Variants in KNG1 observed in about 807,000 individuals in gnomAD.
The protein encoded by KNG1 is kininogen-1.
KNG1 carries 23 observed loss-of-function variants against 47.8 expected under a neutral mutation model. The ratio of observed to expected loss-of-function variants is 0.48; its 90% CI spans 0.35 to 0.68. The LOEUF is 0.68. Ranked by LOEUF, KNG1 falls within the 30% of genes least tolerant of loss-of-function variation. The pLI is 0.01. For missense variants in KNG1, 762 were observed against 790.2 expected, an observed-to-expected ratio of 0.96 and a Z score of 0.43; for synonymous variants, 277 against 277.0, an observed-to-expected ratio of 1.00 and a Z score of 0.00.
chr3:186,732,710 A>T, intron 7 of KNG1, 36 bp downstream of exon 7: 1 of 1,553,416 alleles, frequency 6.4e-7, no homozygotes, highest in Non-Finnish European at 8.9e-7. Flanking sequence ...GTAACACTAT[A>T]GTCTATGTGC....
chr3:186,741,295 T>C (rs1720804561), intron 9 of KNG1, among the ~76,000 whole-genome samples: 1 of 152,162 alleles, frequency 6.6e-6, no homozygotes, highest in African/African-American at 2.4e-5. Flanking sequence ...TGCCTGGCTA[T>C]TTTATGGTAT....
rs774986365 is a variant in KNG1, at chr3:186,731,578, G to A, written c.706G>A (p.Asp236Asn). ...TGECTDNAYI[D>N]IQLRIASFSQ... Reference sequence around the variant, plus strand: ...TGAATGTACAGATAATGCATACATCGATATTCAGCTACGAATTGCTTCCTT... The same window carrying A: ...TGAATGTACAGATAATGCATACATCAATATTCAGCTACGAATTGCTTCCTT... Residue 236 changes from aspartate (D) to asparagine (N), a missense_variant, in exon 6 of 10, where the codon GAT (aspartate) becomes AAT (asparagine). Physicochemically the swap from Asp to Asn is conservative, Grantham distance 23. Transcript: ENST00000644859. The A allele has an allele frequency of 7.4e-6, 12 of 1,611,760 alleles. No individual in the cohort carries two copies. The Admixed American group carries it at 1.0e-4, about 13-fold the overall frequency.
rs188547912 is a variant in KNG1 at position 186,726,709 on chromosome 3, G to A, written c.565-528G>A. On this transcript the variant is annotated intron_variant, in intron 4 of 9. Transcript: ENST00000644859. ...TAAACCTTACAACTTGCTTTCATGC[G>A]AGCATGCTTTACTCAATTATGTCCG... 2.7e-4 allele frequency among the ~76,000 whole-genome samples: 41 copies of A among 152,182 alleles called. No homozygotes were observed. In the East Asian group the frequency reaches 5.0e-3, roughly 19 times the overall value.
intron 9 of KNG1, among the ~76,000 whole-genome samples, chr3:186,741,010 T>C (rs926010851): frequency 1.3e-5 from 2 of 151,716 alleles, no homozygotes; most frequent in Admixed American, 6.6e-5. Flanking sequence ...TTGTTTTTTG[T>C]TTTTTTTGAC....
At position 186,742,162 on chromosome 3, in the gene KNG1, C is replaced by T. The variant is rs1200818377; in HGVS notation, c.1766C>T (p.Pro589Leu). The change falls in exon 10 of 10, where the codon CCT becomes CTT. Residue 589 changes from proline (P) to leucine (L), a missense_variant. By Grantham distance (98) the Pro-to-Leu change is moderately conservative. Coordinates refer to ENST00000644859, the MANE Select transcript of KNG1 (RefSeq NM_001102416.3). ...ATACAGAGTGATGACGATTGGATCC[C>T]TGATATCCAGATAGACCCAAATGGC... The part of the protein sequence containing the change: ...APIQSDDDWI[P>L]DIQIDPNGLS... 6.2e-7 allele frequency: 1 copy of T among 1,614,162 alleles called. No individual in the cohort carries two copies. The highest frequency in any genetic ancestry group is 8.5e-7 in the Non-Finnish European group (1 of 1,180,024).
At chr3:186,725,923 A>T (rs1332347980) in intron 4 of KNG1, among the ~76,000 whole-genome samples, 1 of 150,608 alleles carries the variant, frequency 6.6e-6, no homozygotes, top group African/African-American at 2.4e-5. Context: ...CATCAGAAAA[A>T]AAAAAGTATA....
At position 186,742,449 on chromosome 3, in the gene KNG1, G is replaced by A. The variant is rs959608092; in HGVS notation, c.*118G>A. ...CCAAAAACCATGCAGCTTCGGAACA[G>A]TCTAAAGAGAAGTGGTGAGACTCCC... On this transcript the variant is annotated 3_prime_UTR_variant, in exon 10 of 10. Coordinates refer to ENST00000644859, the MANE Select transcript of KNG1 (RefSeq NM_001102416.3). The A allele has an allele frequency of 1.7e-5, 26 of 1,526,116 alleles. No individual in the cohort carries two copies. The African/African-American group carries it at 2.8e-4, about 16-fold the overall frequency. The allele number at this position is 1,526,116 out of a possible 1,614,324, so 94.5% of individuals were successfully genotyped here.
chr3:186,740,945 T>C (rs1464976775), intron 9 of KNG1, among the ~76,000 whole-genome samples: 1 of 151,926 alleles, frequency 6.6e-6, no homozygotes, highest in Non-Finnish European at 1.5e-5. Flanking sequence ...TTTTACAGTT[T>C]TTTTTGTTGT....
Position 186,741,687 on chromosome 3 carries a change from T to G in KNG1, c.1291T>G (p.Trp431Gly). Residue 431 changes from tryptophan to glycine, a missense_variant, in exon 10 of 10, where the codon TGG becomes GGG. Physicochemically the swap from Trp to Gly is radical, Grantham distance 184. Transcript: ENST00000644859. The part of the protein sequence containing the change: ...KEQGHTRRHD[W>G]GHEKQRKHNL... ...ACAAGGGCATACTCGTAGACATGAC[T>G]GGGGCCATGAAAAACAAAGAAAACA... is the stretch of plus-strand genomic sequence containing the variant. 2 of 1,614,184 alleles carry G rather than the reference T, an allele frequency of 1.2e-6. No individual in the cohort carries two copies. Among genetic ancestry groups the G allele is most frequent in the Non-Finnish European group, 1.7e-6 (2 of 1,180,030 alleles).
intron 6 of KNG1, 125 bp from the exon 7 acceptor site, chr3:186,732,377 T>C: frequency 3.6e-6 from 3 of 832,544 alleles, no homozygotes; most frequent in Non-Finnish European, 4.1e-6. Context: ...CTTCCCCCAC[T>C]CACTACTGGG....
intron 1 of KNG1, chr3:186,718,683 C>G (rs1720099003): frequency 6.6e-6 from 1 of 151,898 alleles, no homozygotes. Flanking sequence ...GTCTCTGGCC[C>G]TAGGCTAAAA....
intron 3 of KNG1, among the ~76,000 whole-genome samples, chr3:186,723,899 C>T (rs1281812139): frequency 6.6e-6 from 1 of 152,154 alleles, no homozygotes; most frequent in Non-Finnish European, 1.5e-5. Flanking sequence ...GGTGATCCAC[C>T]CGCCTCGGCC....
intron 4 of KNG1, among the ~76,000 whole-genome samples, 185 bp downstream of exon 4, chr3:186,725,445 G>A (rs1720332519): frequency 6.6e-6 from 1 of 151,620 alleles, no homozygotes; most frequent in Non-Finnish European, 1.5e-5. Flanking sequence ...TGTCGAATCA[G>A]ACCCCCTTCC....
chr3:186,724,375 G>T (rs1560062744), intron 3 of KNG1, among the ~76,000 whole-genome samples: 1 of 152,156 alleles, frequency 6.6e-6, no homozygotes, highest in Non-Finnish European at 1.5e-5. Context: ...TGACCAGTAG[G>T]TTAGGGCTAT....
Position 186,742,633 on chromosome 3 carries a change from A to G in KNG1, c.*302A>G. The G allele has an allele frequency of 1.7e-6, 2 of 1,210,842 alleles. No individual in the cohort carries two copies. Among genetic ancestry groups the G allele is most frequent in the Non-Finnish European group, 2.1e-6 (2 of 968,338 alleles). 75.0% of individuals were successfully genotyped at this position (1,210,842 alleles called of 1,614,324 possible). On this transcript the variant is annotated 3_prime_UTR_variant, in exon 10 of 10. Transcript: ENST00000644859. Reference sequence around the variant, plus strand: ...GCAATTGGCTTCTCTGATAACAAATATGTACCTTACAACATATGTCATGAA... The same window carrying G: ...GCAATTGGCTTCTCTGATAACAAATGTGTACCTTACAACATATGTCATGAA...
intron 2 of KNG1, among the ~76,000 whole-genome samples, chr3:186,720,859 G>A (rs5029985): frequency 0.42 from 60,696 of 143,282 alleles, 13,115 homozygotes; most frequent in South Asian, 0.61. Flanking sequence ...GCGCGATCTC[G>A]GCTCACTGCA....
At chr3:186,735,697 G>A (rs766910574) in intron 7 of KNG1, among the ~76,000 whole-genome samples, 8 of 152,158 alleles carry the variant, frequency 5.3e-5, no homozygotes, top group South Asian at 2.1e-4. Flanking sequence ...ACTACTTTGG[G>A]AAGCTGAAGT....
rs140672411 is a variant in KNG1, at chr3:186,737,336, T to C, written c.931-1763T>C. 2.5e-3 allele frequency among the ~76,000 whole-genome samples: 375 copies of C among 152,302 alleles called. 6 individuals carry two copies. The highest frequency in any genetic ancestry group is 8.8e-3 in the African/African-American group (367 of 41,574). ...TTTTTAGTGTTGGGCTTTATATTCA[T>C]ACAGACATTGATTCTATATCATAGT... On this transcript the variant is annotated intron_variant, in intron 7 of 9. Transcript: ENST00000644859.
rs1167537831 is a variant in KNG1, at chr3:186,720,784, C to CTTTTTTTTTTTTTTTTT, written c.306+576_306+592dup. ...CACACCATAGCTGGTTGTTGTTTTG[C>CTTTTTTTTTTTTTTTTT]TTTTTTTTTTTTTTTTTTTTTTTGA... On this transcript the variant is annotated intron_variant, in intron 2 of 9. Transcript: ENST00000644859. Among the ~76,000 whole-genome samples, 2 of 89,778 alleles carry CTTTTTTTTTTTTTTTTT rather than the reference C, an allele frequency of 2.2e-5. 1 individual carries two copies. Among genetic ancestry groups the CTTTTTTTTTTTTTTTTT allele is most frequent in the Non-Finnish European group, 4.1e-5 (2 of 48,298 alleles). 58.9% of individuals were successfully genotyped at this position (89,778 alleles called of 152,430 possible).
Sources: allele counts gnomAD v4.1 joint callset (sites outside exome capture counted in the v4.1 genomes callset), GRCh38; gene constraint gnomAD v4.1.1; transcripts MANE v1.5; gene names NCBI Gene and HGNC (gene_info 2026-07-23, HGNC 2026-07-21).